Variants in ANO1 observed in about 807,000 individuals in gnomAD.
ANO1 encodes the protein anoctamin 1.
A neutral mutation model predicts 124.0 loss-of-function variants in ANO1; 59 were observed. That is an observed-to-expected ratio of 0.48 (90% CI 0.39 to 0.59). ANO1 has a LOEUF of 0.59. Ranked by LOEUF, ANO1 falls within the 20% of genes least tolerant of loss-of-function variation. The probability of loss-of-function intolerance (pLI) is 0.00; values close to 1 mark genes in which losing one functional copy is unlikely to be tolerated. For missense variants in ANO1, 1,059 were observed against 1,328.0 expected, an observed-to-expected ratio of 0.80 and a Z score of 3.15; for synonymous variants, 529 against 532.0, an observed-to-expected ratio of 0.99 and a Z score of 0.08.
At chr11:69,995,219 C>T (rs1232832121) in intron 1 of ANO1, among the ~76,000 whole-genome samples, 2 of 151,896 alleles carry the variant, frequency 1.3e-5, no homozygotes, top group Non-Finnish European at 2.9e-5. Flanking sequence ...CCTGCCTCAG[C>T]CTCCCAAGCA....
intron 11 of ANO1, among the ~76,000 whole-genome samples, chr11:70,145,532 C>T (rs1032353223): frequency 9.2e-5 from 14 of 152,198 alleles, no homozygotes; most frequent in Admixed American, 2.0e-4. Context: ...CACCCCCAGC[C>T]GCCAGGTTAC....
At chr11:70,004,209 G>T (rs1169520582) in intron 1 of ANO1, among the ~76,000 whole-genome samples, 1 of 152,194 alleles carries the variant, frequency 6.6e-6, no homozygotes, top group Non-Finnish European at 1.5e-5. Context: ...CTTGTTGGCT[G>T]GATGTTTTTC....
At chr11:70,151,708 C>G (rs952417441) in intron 12 of ANO1, among the ~76,000 whole-genome samples, 2 of 152,190 alleles carry the variant, frequency 1.3e-5, no homozygotes, top group African/African-American at 4.8e-5. Flanking sequence ...ACTCGCACCC[C>G]CAGCGGCTGG....
chr11:70,038,961 G>GA (rs1457047430), intron 1 of ANO1, among the ~76,000 whole-genome samples: 2 of 152,092 alleles, frequency 1.3e-5, no homozygotes, highest in African/African-American at 2.4e-5. Context: ...CAATACAGGA[G>GA]AAAAAATGGA....
At chr11:70,146,689 C>T (rs929310554) in intron 11 of ANO1, among the ~76,000 whole-genome samples, 2 of 152,104 alleles carry the variant, frequency 1.3e-5, no homozygotes, top group Admixed American at 6.6e-5. Flanking sequence ...GTCCCAAAAC[C>T]CCAAAAGTAG....
intron 8 of ANO1, 63 bp downstream of exon 8, chr11:70,116,562 G>T: frequency 1.3e-6 from 2 of 1,525,818 alleles, no homozygotes; most frequent in Non-Finnish European, 1.8e-6. Flanking sequence ...CTGGGGCGGG[G>T]TGGGCCTGCA....
rs1042791562 is a variant in ANO1, at chr11:70,022,645, C to T, written c.58+36479C>T. ...ATGCAAGAGTGAAGCCACTGATGGC[C>T]CCATAGAGCCAGCCTCACCTAGCTT... On this transcript the variant is annotated intron_variant, in intron 1 of 27. Transcript: ENST00000531349. 1.4e-4 allele frequency among the ~76,000 whole-genome samples: 21 copies of T among 152,126 alleles called. No homozygotes were observed. The South Asian group carries it at 2.3e-3, about 17-fold the overall frequency.
intron 1 of ANO1, among the ~76,000 whole-genome samples, chr11:70,081,529 T>C (rs1187893035): frequency 6.6e-6 from 1 of 152,210 alleles, no homozygotes; most frequent in Non-Finnish European, 1.5e-5. Flanking sequence ...TTGAAGAGTC[T>C]CAAAACCAAA....
intron 1 of ANO1, among the ~76,000 whole-genome samples, chr11:70,037,007 C>A (rs1857105600): frequency 6.6e-6 from 1 of 152,234 alleles, no homozygotes; most frequent in Admixed American, 6.5e-5. Flanking sequence ...CTGTGCCTGA[C>A]TGTCACTCAA....
At chr11:69,991,487 G>C (rs893471425) in intron 1 of ANO1, among the ~76,000 whole-genome samples, 2 of 152,344 alleles carry the variant, frequency 1.3e-5, no homozygotes, top group Non-Finnish European at 2.9e-5. Context: ...CAAATGCAAA[G>C]GCTGGAGGAA....
chr11:69,979,340 T>C, the ANO1 span, among the ~76,000 whole-genome samples: 11 of 152,210 alleles, frequency 7.2e-5, no homozygotes, highest in Non-Finnish European at 1.6e-4. Context: ...GTTGGCATGG[T>C]GCTCTGGAAA....
chr11:70,017,512 CTCCT>C (rs1591036915), intron 1 of ANO1, among the ~76,000 whole-genome samples: 1 of 139,456 alleles, frequency 7.2e-6, no homozygotes, highest in African/African-American at 2.6e-5. Context: ...CCCTCCCTCC[CTCCT>C]TCCTTCCTTT....
chr11:70,095,432 A>C lies in ANO1; in HGVS notation c.441+7348A>C, dbSNP rs991875876. Reference sequence around the variant, plus strand: ...AAAGAAAGAAAGAAAGAAAGAAAAGAAAAGAAAGAAAGAGGGAAAGAAAAT... The same window carrying C: ...AAAGAAAGAAAGAAAGAAAGAAAAGCAAAGAAAGAAAGAGGGAAAGAAAAT... On this transcript the variant is annotated intron_variant, in intron 2 of 25. Transcript: ENST00000355303. Among the ~76,000 whole-genome samples, 51 of 140,338 alleles carry C rather than the reference A, an allele frequency of 3.6e-4. 2 individuals carry two copies. The highest frequency in any genetic ancestry group is 1.3e-3 in the African/African-American group (50 of 38,350). 92.1% of individuals were successfully genotyped at this position (140,338 alleles called of 152,430 possible).
intron 21 of ANO1, among the ~76,000 whole-genome samples, chr11:70,167,765 C>T (rs981407458): frequency 1.7e-4 from 26 of 152,178 alleles, no homozygotes; most frequent in Non-Finnish European, 2.9e-4. Context: ...CTGGGTTGTG[C>T]AGCTCTTCCT....
intron 1 of ANO1, among the ~76,000 whole-genome samples, chr11:70,060,784 G>C (rs982056122): frequency 8.5e-5 from 13 of 152,170 alleles, no homozygotes; most frequent in Non-Finnish European, 4.4e-5. Flanking sequence ...AACAGGTCAT[G>C]GGCCTGGGTC....
intron 1 of ANO1, among the ~76,000 whole-genome samples, chr11:70,000,175 GA>G (rs1281700709): frequency 1.3e-5 from 2 of 151,798 alleles, no homozygotes; most frequent in Admixed American, 6.6e-5. Context: ...GAGCCCTTGG[GA>G]AAAAAAATGA....
rs1188271051 is a variant in ANO1, at chr11:70,010,179, G to GTATGTGTGTGTATATATATA, written c.58+24016_58+24017insGTGTGTGTATATATATATAT. ...TGTGTGTGTGTGCGCGTGTGTGTGT[G>GTATGTGTGTGTATATATATA]TATATATATATATATATATCACATT... is the stretch of plus-strand genomic sequence containing the variant. On this transcript the variant is annotated intron_variant, in intron 1 of 27. Transcript: ENST00000531349. Among the ~76,000 whole-genome samples, 218 of 83,762 alleles carry GTATGTGTGTGTATATATATA rather than the reference G, an allele frequency of 2.6e-3. 26 individuals are homozygous for GTATGTGTGTGTATATATATA. Among genetic ancestry groups the GTATGTGTGTGTATATATATA allele is most frequent in the African/African-American group, 6.3e-3 (134 of 21,322 alleles). The allele number at this position is 83,762 out of a possible 152,430, so 55.0% of individuals were successfully genotyped here. A position where few individuals can be genotyped will look rare whatever the true frequency, so the allele number is the denominator to read the frequency against.
At chr11:70,112,477 C>T (rs950705627) in intron 7 of ANO1, among the ~76,000 whole-genome samples, 1 of 152,162 alleles carries the variant, frequency 6.6e-6, no homozygotes, top group African/African-American at 2.4e-5. Flanking sequence ...TGGAGTCAGC[C>T]CCTTGTCTCA....
chr11:70,006,618 T>TTTCC (rs1555000104), intron 1 of ANO1, among the ~76,000 whole-genome samples: 1 of 151,564 alleles, frequency 6.6e-6, no homozygotes, highest in African/African-American at 2.4e-5. Flanking sequence ...TTTCTCTTTC[T>TTTCC]TTCTTTCTTC....
Sources: allele counts gnomAD v4.1 joint callset (sites outside exome capture counted in the v4.1 genomes callset), GRCh38; gene constraint gnomAD v4.1.1; transcripts MANE v1.5; gene names NCBI Gene and HGNC (gene_info 2026-07-23, HGNC 2026-07-21).